The following PHC2 variants were observed in gnomAD, a reference collection of about 807,000 sequenced individuals.
PHC2 encodes polyhomeotic homolog 2, also known as polyhomeotic-like protein 2.
In PHC2, 29 loss-of-function variants were observed where a neutral mutation model predicts 87.4. That is an observed-to-expected ratio of 0.33 (90% CI 0.25 to 0.45). The LOEUF (loss-of-function observed/expected upper bound fraction) is 0.45, where lower values mean the gene tolerates loss of function less well. Among genes scored for constraint, PHC2 ranks in the 20% least tolerant of loss-of-function variants. The pLI, the probability that PHC2 is intolerant of heterozygous loss-of-function variation, is 1.00. For synonymous variants in PHC2, 438 were observed against 461.7 expected (o/e 0.95, Z 0.66); for missense variants, 857 against 1,136.7 (o/e 0.75, Z 3.54).
At position 33,334,009 on chromosome 1, in the gene PHC2, T is replaced by C. The variant is rs1646566185; in HGVS notation, c.1761+81A>G. ...AGCAAATTGTTCACATTTTCAGAAATTTTACATGGAAATGTAAAAATATTC... is the reference window on the plus strand; with the variant it reads ...AGCAAATTGTTCACATTTTCAGAAACTTTACATGGAAATGTAAAAATATTC... On this transcript the variant is annotated intron_variant, in intron 10 of 14. Transcript: ENST00000683057. This position sits in a 1 kb window ranked among gnomAD's most constrained non-coding sequence, Gnocchi z 5.5. The C allele has an allele frequency of 7.8e-7, 1 of 1,277,306 alleles. No homozygotes were observed. The highest frequency in any genetic ancestry group is 1.3e-5 in the South Asian group (1 of 75,312). 79.1% of individuals were successfully genotyped at this position (1,277,306 alleles called of 1,614,324 possible). A position where few individuals can be genotyped will look rare whatever the true frequency, so the allele number is the denominator to read the frequency against.
At chr1:33,351,773 G>A (rs914375547) in intron 9 of PHC2, among the ~76,000 whole-genome samples, 11 of 151,914 alleles carry the variant, frequency 7.2e-5, no homozygotes, top group Non-Finnish European at 1.5e-4. Flanking sequence ...CTAACATGGC[G>A]AAACCCTGTC....
At chr1:33,421,828 C>G (rs1025652274) in intron 1 of PHC2, among the ~76,000 whole-genome samples, 3 of 152,218 alleles carry the variant, frequency 2.0e-5, no homozygotes, top group Admixed American at 2.0e-4. Context: ...TCTTCGCTAA[C>G]TGCATGATTC....
intron 1 of PHC2, among the ~76,000 whole-genome samples, chr1:33,405,366 T>C (rs572114846): frequency 2.0e-4 from 31 of 152,190 alleles, no homozygotes; most frequent in Admixed American, 1.2e-3. Flanking sequence ...AATTTTTGTA[T>C]TTTTAGTAGA....
rs561137999 is a variant in PHC2, at chr1:33,369,003, G to A, written c.577-381C>T. Among the ~76,000 whole-genome samples the A allele has an allele frequency of 7.2e-5, 11 of 152,262 alleles. No homozygotes were observed. Among genetic ancestry groups the A allele is most frequent in the African/African-American group, 7.2e-5 (3 of 41,550 alleles). On this transcript the variant is annotated intron_variant, in intron 5 of 14. Transcript: ENST00000683057. The surrounding 1 kb of genome is among the most constrained non-coding windows in gnomAD (Gnocchi z 4.7). ...ACGCTGAAGCCACCACCTCCTTAGC[G>A]TCCTGGGAAGCGAGATGGATGCCCT...
At chr1:33,375,172 A>C (rs1648097707) in intron 2 of PHC2, among the ~76,000 whole-genome samples, 194 bp downstream of exon 2, 1 of 152,104 alleles carries the variant, frequency 6.6e-6, no homozygotes, top group African/African-American at 2.4e-5. Context: ...CGTGTCCTCC[A>C]AACTCCTTGA....
At chr1:33,390,165 T>C (rs1293781984) in intron 1 of PHC2, among the ~76,000 whole-genome samples, 1 of 152,152 alleles carries the variant, frequency 6.6e-6, no homozygotes, top group Non-Finnish European at 1.5e-5. Context: ...ATGGGGCAGG[T>C]GGAATTCGTG....
intron 1 of PHC2, among the ~76,000 whole-genome samples, chr1:33,410,814 T>C (rs190738328): frequency 1.3e-5 from 2 of 152,240 alleles, no homozygotes; most frequent in East Asian, 1.9e-4. Context: ...TTTACAAAAA[T>C]AGTAGCCATT....
intron 1 of PHC2, among the ~76,000 whole-genome samples, chr1:33,385,041 C>G (rs1287169785): frequency 6.6e-6 from 1 of 152,102 alleles, no homozygotes; most frequent in Non-Finnish European, 1.5e-5. Flanking sequence ...TTTGTGGGTC[C>G]AGATGGCTAC....
At chr1:33,405,097 G>A (rs1473909977) in intron 1 of PHC2, among the ~76,000 whole-genome samples, 1 of 151,978 alleles carries the variant, frequency 6.6e-6, no homozygotes, top group Admixed American at 6.6e-5. Context: ...CTCTAGGATC[G>A]GCAGTGATGT....
Position 33,356,249 on chromosome 1 carries a change from T to TTATATATATATATA in PHC2, c.977-1010_977-997dup, listed in dbSNP as rs60725677. Among the ~76,000 whole-genome samples, 622 of 101,470 alleles carry TTATATATATATATA rather than the reference T, an allele frequency of 6.1e-3. 9 individuals are homozygous for TTATATATATATATA. The highest frequency in any genetic ancestry group is 0.011 in the Non-Finnish European group (502 of 45,936). The allele number at this position is 101,470 out of a possible 152,430, so 66.6% of individuals were successfully genotyped here. ...GGCTGACTCTTTGAGGTGAAAATTC[T>TTATATATATATATA]TATATATATATATATATATATATAT... On this transcript the variant is annotated intron_variant, in intron 7 of 14. Transcript: ENST00000683057.
Position 33,332,174 on chromosome 1 carries a change from T to G in PHC2, c.1891+101A>C. 1 of 1,359,006 alleles carries G rather than the reference T, an allele frequency of 7.4e-7. No homozygotes were observed. The highest frequency in any genetic ancestry group is 1.9e-5 in the Admixed American group (1 of 53,678). The allele number at this position is 1,359,006 out of a possible 1,614,324, so 84.2% of individuals were successfully genotyped here. On this transcript the variant is annotated intron_variant, in intron 11 of 14. Coordinates refer to ENST00000683057, the MANE Select transcript of PHC2 (RefSeq NM_001385109.1). This position sits in a 1 kb window ranked among gnomAD's most constrained non-coding sequence, Gnocchi z 4.2. The stretch of plus-strand genomic sequence containing the variant: ...CTGGGGGAAATGTTTACAGACTCGC[T>G]GGCTCAGGGTTCCTCTGGGGAAACA...
chr1:33,414,217 AC>A (rs1477796657), intron 1 of PHC2, among the ~76,000 whole-genome samples: 1 of 151,256 alleles, frequency 6.6e-6, no homozygotes, highest in Non-Finnish European at 1.5e-5. Flanking sequence ...ACACACACAC[AC>A]AAGAAAGGTT....
rs151060164 is a variant in PHC2 at position 33,383,789 on chromosome 1, C to T, written c.-54-8196G>A. ...TAAAAGAACGCCATGTGAAAACAGG[C>T]ACACACGGGGAGAAGCCAGCCACGT... is the stretch of plus-strand genomic sequence containing the variant. On this transcript the variant is annotated intron_variant, in intron 1 of 14. Transcript: ENST00000683057. Among the ~76,000 whole-genome samples the T allele has an allele frequency of 2.0e-5, 3 of 152,284 alleles. No homozygotes were observed. The East Asian group carries it at 5.8e-4, about 29-fold the overall frequency.
At chr1:33,365,445 G>C (rs570332767) in intron 7 of PHC2, among the ~76,000 whole-genome samples, 1 of 152,308 alleles carries the variant, frequency 6.6e-6, no homozygotes, top group South Asian at 2.1e-4. Flanking sequence ...TGGGCTGGAA[G>C]GGGGTTCTCA....
Position 33,349,646 on chromosome 1 carries a change from C to G in PHC2, c.1558+4755G>C. ...GCCGGGCGGGGCCTACGCAGCCCCTCGGCCGGGCGCCGACTCGCGCGGGGT... is the reference window on the plus strand; with the variant it reads ...GCCGGGCGGGGCCTACGCAGCCCCTGGGCCGGGCGCCGACTCGCGCGGGGT... On this transcript the variant is annotated intron_variant, in intron 9 of 14. Transcript: ENST00000683057. This position sits in a 1 kb window ranked among gnomAD's most constrained non-coding sequence, Gnocchi z 4.2. 16 of 983,172 alleles carry G rather than the reference C, an allele frequency of 1.6e-5. No individual in the cohort carries two copies. The highest frequency in any genetic ancestry group is 1.8e-5 in the Non-Finnish European group (15 of 829,278). 60.9% of individuals were successfully genotyped at this position (983,172 alleles called of 1,614,324 possible).
intron 1 of PHC2, among the ~76,000 whole-genome samples, chr1:33,427,137 T>G (rs1283501834): frequency 2.6e-5 from 4 of 152,190 alleles, no homozygotes; most frequent in Non-Finnish European, 4.4e-5. Context: ...GCAATTTACT[T>G]AGTCTTTCCG....
At chr1:33,339,458 C>T (rs1646701854) in intron 9 of PHC2, among the ~76,000 whole-genome samples, 1 of 152,052 alleles carries the variant, frequency 6.6e-6, no homozygotes, top group Non-Finnish European at 1.5e-5. Flanking sequence ...TTTTTTGGCC[C>T]ATGTCTTCCT....
chr1:33,339,973 T>C (rs536754688), intron 9 of PHC2, among the ~76,000 whole-genome samples: 201 of 152,314 alleles, frequency 1.3e-3, no homozygotes, highest in Admixed American at 1.8e-3. Context: ...TGTACTAACA[T>C]CTGCAACAGG....
At chr1:33,428,664 GAGAT>G (rs1650779920) in intron 1 of PHC2, among the ~76,000 whole-genome samples, 1 of 152,236 alleles carries the variant, frequency 6.6e-6, no homozygotes, top group Admixed American at 6.5e-5. Context: ...TATAGTTCTA[GAGAT>G]AGATGCTAAG....
Sources: gnomAD v4.1 joint callset for allele counts (sites outside exome capture counted in the v4.1 genomes callset) on GRCh38, gnomAD v4.1.1 for gene constraint, Gnocchi (gnomAD v3.1) non-coding constraint, MANE v1.5 for transcripts, NCBI Gene and HGNC (gene_info 2026-07-23, HGNC 2026-07-21) for gene names.